Variants in GNG12 observed in about 807,000 individuals in gnomAD.
GNG12 encodes guanine nucleotide-binding protein G(I)/G(S)/G(O) subunit gamma-12.
For synonymous variants in GNG12, 28 were observed against 29.7 expected (o/e 0.94, Z 0.19); for missense variants, 69 against 83.8 (o/e 0.82, Z 0.69).
intron 2 of GNG12, among the ~76,000 whole-genome samples, chr1:67,745,954 G>A (rs1646505236): frequency 1.3e-5 from 2 of 152,180 alleles, no homozygotes; most frequent in Admixed American, 1.3e-4. Context: ...TTTGTGGAAA[G>A]TATGAATACA....
intron 1 of GNG12, among the ~76,000 whole-genome samples, chr1:67,794,645 C>T (rs1159249268): frequency 6.6e-6 from 1 of 152,198 alleles, no homozygotes. Context: ...ATTAGTTCAG[C>T]TTTTCTGTTA....
At chr1:67,752,141 C>T (rs1348517986) in intron 2 of GNG12, among the ~76,000 whole-genome samples, 2 of 152,168 alleles carry the variant, frequency 1.3e-5, no homozygotes, top group African/African-American at 4.8e-5. Context: ...TGCTTGTTAG[C>T]AGGCCTTTTC....
chr1:67,772,052 A>C (rs1646677952), intron 2 of GNG12, among the ~76,000 whole-genome samples: 1 of 152,218 alleles, frequency 6.6e-6, no homozygotes, highest in Non-Finnish European at 1.5e-5. Flanking sequence ...GCCAAGTCTA[A>C]AACAATTAGA....
intron 2 of GNG12, among the ~76,000 whole-genome samples, chr1:67,723,493 T>C (rs1478239458): frequency 1.3e-5 from 2 of 152,224 alleles, no homozygotes; most frequent in Non-Finnish European, 2.9e-5. Flanking sequence ...GTATGAATTT[T>C]AGGGGATTTT....
chr1:67,825,069 G>C (rs761128330), intron 1 of GNG12, among the ~76,000 whole-genome samples: 7 of 152,214 alleles, frequency 4.6e-5, no homozygotes, highest in Admixed American at 1.3e-4. Context: ...AGAGGGCAAG[G>C]CATGTGCTGG....
rs1464198368 is a variant in GNG12, at chr1:67,756,987, G to A, written c.-27+20471C>T. The stretch of plus-strand genomic sequence containing the variant: ...TGTGGGCATCTTCCTCCATGCTATA[G>A]TACGACTTTTCTAAATGTGCCATTT... On this transcript the variant is annotated intron_variant, in intron 2 of 3. Transcript: ENST00000370982. Among the ~76,000 whole-genome samples the A allele has an allele frequency of 3.9e-5, 6 of 152,212 alleles. No individual in the cohort carries two copies. In the East Asian group the frequency reaches 9.6e-4, roughly 24 times the overall value.
At chr1:67,816,112 G>A (rs1016478750) in intron 1 of GNG12, among the ~76,000 whole-genome samples, 16 of 152,204 alleles carry the variant, frequency 1.1e-4, no homozygotes, top group African/African-American at 3.4e-4. Context: ...GAAGCTGCTA[G>A]AGCCTATTAT....
chr1:67,730,759 CA>C (rs534345152), intron 2 of GNG12, among the ~76,000 whole-genome samples: 169 of 152,250 alleles, frequency 1.1e-3, no homozygotes, highest in Non-Finnish European at 2.1e-3. Flanking sequence ...AAGCTTAAAA[CA>C]AACAATTCAT....
intron 2 of GNG12, among the ~76,000 whole-genome samples, chr1:67,756,226 T>C (rs1175984073): frequency 6.6e-6 from 1 of 152,156 alleles, no homozygotes; most frequent in African/African-American, 2.4e-5. Flanking sequence ...CAGAAGAGTA[T>C]CTGAACACAA....
chr1:67,740,887 T>C (rs967359604), intron 2 of GNG12, among the ~76,000 whole-genome samples: 4 of 152,218 alleles, frequency 2.6e-5, no homozygotes, highest in African/African-American at 9.7e-5. Flanking sequence ...CTGTGAGAAA[T>C]AAATGTTGTT....
chr1:67,822,835 A>G (rs1203395418), intron 1 of GNG12, among the ~76,000 whole-genome samples: 1 of 152,156 alleles, frequency 6.6e-6, no homozygotes, highest in Admixed American at 6.5e-5. Flanking sequence ...CCATCTTCCC[A>G]TCAAATCATA....
chr1:67,812,363 G>A (rs980356190), intron 1 of GNG12, among the ~76,000 whole-genome samples: 1 of 152,164 alleles, frequency 6.6e-6, no homozygotes, highest in African/African-American at 2.4e-5. Flanking sequence ...AGGGTAGAAC[G>A]GGTGTTAATT....
intron 2 of GNG12, among the ~76,000 whole-genome samples, chr1:67,771,470 C>T (rs79418367): frequency 0.016 from 2,472 of 152,288 alleles, 78 homozygotes; most frequent in African/African-American, 0.057. Context: ...TGTATTGTCC[C>T]GGATGAGTGG....
At chr1:67,782,059 A>T (rs1261256629) in intron 1 of GNG12, among the ~76,000 whole-genome samples, 1 of 152,192 alleles carries the variant, frequency 6.6e-6, no homozygotes, top group African/African-American at 2.4e-5. Flanking sequence ...GCAACAGCAC[A>T]GGTACTATAT....
At chr1:67,723,955 T>C (rs1646371274) in intron 2 of GNG12, among the ~76,000 whole-genome samples, 1 of 152,190 alleles carries the variant, frequency 6.6e-6, no homozygotes. Flanking sequence ...GCTGAGTAGT[T>C]TCCACAGCTT....
intron 1 of GNG12, among the ~76,000 whole-genome samples, chr1:67,829,308 A>C (rs1647029707): frequency 6.6e-6 from 1 of 152,248 alleles, no homozygotes. Flanking sequence ...TCTAATAAAA[A>C]AGAAAATGGA....
chr1:67,829,501 C>T (rs1168938462), intron 1 of GNG12, among the ~76,000 whole-genome samples: 1 of 152,006 alleles, frequency 6.6e-6, no homozygotes, highest in Admixed American at 6.6e-5. Context: ...AGCTGTTTTC[C>T]TGTTACAAAA....
chr1:67,747,212 CG>C (rs1263654787), intron 2 of GNG12, among the ~76,000 whole-genome samples: 24 of 152,206 alleles, frequency 1.6e-4, no homozygotes, highest in Admixed American at 1.6e-3. Context: ...CTCTGCTTCC[CG>C]GGTTCAAGTG....
chr1:67,737,076 G>C (rs1646456712), intron 2 of GNG12, among the ~76,000 whole-genome samples: 1 of 152,144 alleles, frequency 6.6e-6, no homozygotes, highest in Non-Finnish European at 1.5e-5. Flanking sequence ...TTCCACGTAG[G>C]CTGCTAAGCT....
Sources: allele counts gnomAD v4.1 joint callset (sites outside exome capture counted in the v4.1 genomes callset), GRCh38; gene constraint gnomAD v4.1.1; transcripts MANE v1.5; gene names NCBI Gene and HGNC (gene_info 2026-07-23, HGNC 2026-07-21).